BICDL1: variants seen among roughly 807,000 people sequenced by gnomAD.
The protein encoded by BICDL1 is BICD family-like cargo adapter 1.
BICDL1 carries 20 observed loss-of-function variants against 76.8 expected under a neutral mutation model. That is an observed-to-expected ratio of 0.26 (90% CI 0.18 to 0.38). The LOEUF (loss-of-function observed/expected upper bound fraction) is 0.38. Ranked by LOEUF, BICDL1 falls within the 10% of genes least tolerant of loss-of-function variation. The pLI is 1.00. For missense variants in BICDL1, 700 were observed against 798.6 expected (o/e 0.88, Z 1.49); for synonymous variants, 383 against 337.1 (o/e 1.14, Z -1.49).
At chr12:120,076,004 G>C (rs1873518615) in intron 7 of BICDL1, among the ~76,000 whole-genome samples, 1 of 152,186 alleles carries the variant, frequency 6.6e-6, no homozygotes, top group Non-Finnish European at 1.5e-5. Context: ...ACTAAAAATA[G>C]AAAAATTAGC....
At chr12:120,012,725 C>T (rs1299971498) in intron 2 of BICDL1, among the ~76,000 whole-genome samples, 1 of 152,076 alleles carries the variant, frequency 6.6e-6, no homozygotes, top group Admixed American at 6.5e-5. Flanking sequence ...TCAAACAGTC[C>T]ACCACTTAGA....
intron 9 of BICDL1, chr12:120,091,324 C>CT (rs777974637): frequency 8.6e-5 from 87 of 1,016,362 alleles, no homozygotes; most frequent in African/African-American, 1.0e-4. Context: ...TAAAGGGCGA[C>CT]CTGGACAGAC....
intron 3 of BICDL1, 137 bp downstream of exon 3, chr12:120,061,963 C>G: frequency 3.1e-6 from 2 of 639,614 alleles, no homozygotes; most frequent in Non-Finnish European, 5.6e-6. Context: ...AACATTTGAT[C>G]TGTTTCTCTG....
At chr12:120,003,447 CTG>C (rs1197372143) in intron 2 of BICDL1, among the ~76,000 whole-genome samples, 1 of 152,206 alleles carries the variant, frequency 6.6e-6, no homozygotes, top group African/African-American at 2.4e-5. Flanking sequence ...AGAACTATAA[CTG>C]TCAAGAATAC....
Position 119,990,053 on chromosome 12 carries a change from T to G in BICDL1, c.185T>G (p.Leu62Arg). 6.5e-7 allele frequency: 1 copy of G among 1,533,942 alleles called. No individual in the cohort carries two copies. Among genetic ancestry groups the G allele is most frequent in the Non-Finnish European group, 8.7e-7 (1 of 1,143,300 alleles). Residue 62 changes from leucine (L) to arginine (R), a missense_variant, in exon 1 of 10, where the codon CTG becomes CGG. Physicochemically the swap from Leu to Arg is moderately radical, Grantham distance 102. Transcript: ENST00000548673. ...LELALEEELA[L>R]LAAGERPSDP... Reference sequence around the variant, plus strand: ...CTGGCGTTAGAGGAGGAGCTGGCGCTGCTGGCGGCCGGGGAGCGGCCGTCC... The same window carrying G: ...CTGGCGTTAGAGGAGGAGCTGGCGCGGCTGGCGGCCGGGGAGCGGCCGTCC...
chr12:120,035,634 G>A lies in BICDL1; in HGVS notation c.646-26076G>A, dbSNP rs568556022. On this transcript the variant is annotated intron_variant, in intron 2 of 9. Coordinates refer to ENST00000548673, the MANE Select transcript of BICDL1 (RefSeq NM_001367886.1). ...ATGGAGCTCTGAGAAATGCCCTTGC[G>A]TCAAAATCTTTTTTAAAGAATTTTT... is the stretch of plus-strand genomic sequence containing the variant. Among the ~76,000 whole-genome samples the A allele has an allele frequency of 2.6e-4, 39 of 152,194 alleles. No individual in the cohort carries two copies. The South Asian group carries it at 7.3e-3, about 28-fold the overall frequency.
At chr12:120,014,395 A>G (rs1253530162) in intron 2 of BICDL1, among the ~76,000 whole-genome samples, 1 of 152,140 alleles carries the variant, frequency 6.6e-6, no homozygotes, top group African/African-American at 2.4e-5. Flanking sequence ...CAGAGTTTGA[A>G]TTAAAAAACC....
intron 2 of BICDL1, among the ~76,000 whole-genome samples, chr12:120,037,842 C>G (rs1170227907): frequency 6.6e-6 from 1 of 152,184 alleles, no homozygotes; most frequent in African/African-American, 2.4e-5. Flanking sequence ...GACCTTCCAT[C>G]CTTCTCAGAA....
chr12:120,064,618 C>A, intron 3 of BICDL1, 115 bp from the exon 4 acceptor site: 1 of 1,028,352 alleles, frequency 9.7e-7, no homozygotes, highest in Non-Finnish European at 1.4e-6. Flanking sequence ...GGTACCGTGA[C>A]ATTGGGCAGA....
intron 8 of BICDL1, 87 bp from the exon 9 acceptor site, chr12:120,089,864 C>T: frequency 6.6e-7 from 1 of 1,508,954 alleles, no homozygotes; most frequent in Non-Finnish European, 9.0e-7. Flanking sequence ...CCTGTTTCCT[C>T]ATCCTGGGAC....
intron 2 of BICDL1, among the ~76,000 whole-genome samples, chr12:120,036,220 A>G (rs1184612375): frequency 6.6e-6 from 1 of 152,238 alleles, no homozygotes; most frequent in Non-Finnish European, 1.5e-5. Context: ...CTGGGTATGT[A>G]TATCTTTGAC....
chr12:120,055,277 G>T (rs939405952), intron 2 of BICDL1, among the ~76,000 whole-genome samples: 1 of 152,148 alleles, frequency 6.6e-6, no homozygotes, highest in Admixed American at 6.5e-5. Flanking sequence ...CTGGATACTC[G>T]TATAAATAAT....
chr12:120,010,538 G>A (rs1951932213), intron 2 of BICDL1, among the ~76,000 whole-genome samples: 1 of 152,156 alleles, frequency 6.6e-6, no homozygotes, highest in South Asian at 2.1e-4. Flanking sequence ...AAAACCATTG[G>A]TTTCAATCAG....
chr12:119,998,119 C>G (rs1951688482), intron 1 of BICDL1, among the ~76,000 whole-genome samples: 1 of 151,934 alleles, frequency 6.6e-6, no homozygotes, highest in South Asian at 2.1e-4. Context: ...TGCACTCCAG[C>G]CTGGGCGACA....
At chr12:120,092,634 C>A (rs895398647) in intron 9 of BICDL1, 11 of 985,320 alleles carry the variant, frequency 1.1e-5, no homozygotes, top group Non-Finnish European at 1.3e-5. Context: ...AGGCACCAGC[C>A]AGGCCCACAG....
chr12:120,074,603 T>C lies in BICDL1; in HGVS notation c.1452+17T>C. ...CACAGTCAGGTGAGCACCCCAACCT[T>C]CAGTTCAGTGCAGGGCATGTGCACC... On this transcript the variant is annotated intron_variant, in intron 7 of 9. Coordinates refer to ENST00000548673, the MANE Select transcript of BICDL1 (RefSeq NM_001367886.1). 8.4e-7 allele frequency: 1 copy of C among 1,196,302 alleles called. No individual in the cohort carries two copies. The highest frequency in any genetic ancestry group is 1.6e-5 in the African/African-American group (1 of 62,486). 74.1% of individuals were successfully genotyped at this position (1,196,302 alleles called of 1,614,324 possible).
chr12:120,067,291 T>A (rs1594192201), intron 4 of BICDL1, among the ~76,000 whole-genome samples: 1 of 152,368 alleles, frequency 6.6e-6, no homozygotes, highest in East Asian at 1.9e-4. Context: ...CAGGCCCTGC[T>A]CACTGTGGGG....
intron 2 of BICDL1, among the ~76,000 whole-genome samples, chr12:120,040,792 G>T (rs1952626430): frequency 7.0e-6 from 1 of 142,966 alleles, no homozygotes; most frequent in Non-Finnish European, 1.5e-5. Context: ...CTGTCGCTCA[G>T]ACTGGAGTGC....
chr12:120,033,478 G>A (rs1228764365), intron 2 of BICDL1, among the ~76,000 whole-genome samples: 4 of 147,186 alleles, frequency 2.7e-5, no homozygotes, highest in Admixed American at 7.0e-5. Context: ...CCGGGTTCAC[G>A]CCATTCTCCC....
Sources: gnomAD v4.1 joint callset for allele counts (sites outside exome capture counted in the v4.1 genomes callset) on GRCh38, gnomAD v4.1.1 for gene constraint, MANE v1.5 for transcripts, NCBI Gene and HGNC (gene_info 2026-07-23, HGNC 2026-07-21) for gene names.